Variants in HOMER2 observed in about 807,000 individuals in gnomAD.
HOMER2 encodes the protein homer scaffold protein 2.
A neutral mutation model predicts 47.0 loss-of-function variants in HOMER2; 27 were observed. The ratio of observed to expected loss-of-function variants is 0.57; its 90% CI spans 0.42 to 0.79. The LOEUF (loss-of-function observed/expected upper bound fraction) is 0.79, where lower values mean the gene tolerates loss of function less well. HOMER2 is among the 30% of genes least tolerant of loss of function. HOMER2 has a pLI of 0.00. For synonymous variants in HOMER2, 161 were observed against 163.8 expected, an observed-to-expected ratio of 0.98 and a Z score of 0.13; for missense variants, 443 against 435.0, an observed-to-expected ratio of 1.02 and a Z score of -0.16.
chr15:82,925,896 C>G (rs779364364), intron 1 of HOMER2: 3 of 152,092 alleles, frequency 2.0e-5, no homozygotes, highest in Non-Finnish European at 4.4e-5. Context: ...GATACTCCCC[C>G]TCATTTCTCA....
intron 1 of HOMER2, among the ~76,000 whole-genome samples, chr15:82,933,015 C>T (rs749452917): frequency 1.2e-4 from 18 of 152,094 alleles, no homozygotes; most frequent in Admixed American, 5.2e-4. Flanking sequence ...TCTCTCCTCC[C>T]CGTGCCCTCA....
chr15:82,898,844 TA>T (rs1386257913), intron 1 of HOMER2, among the ~76,000 whole-genome samples: 4 of 152,394 alleles, frequency 2.6e-5, no homozygotes, highest in Middle Eastern at 3.4e-3. Context: ...TTTTCTGACA[TA>T]AACCTACAAA....
intron 1 of HOMER2, among the ~76,000 whole-genome samples, chr15:82,910,170 G>A (rs1389974804): frequency 2.3e-5 from 3 of 132,046 alleles, no homozygotes; most frequent in East Asian, 2.5e-4. Context: ...AGGCTAACTT[G>A]TTTCCCTACC....
chr15:82,929,611 G>A (rs1225976010), intron 1 of HOMER2, among the ~76,000 whole-genome samples: 11 of 141,324 alleles, frequency 7.8e-5, no homozygotes, highest in South Asian at 4.5e-4. Context: ...AGCCGAGATC[G>A]CGTCACTGCA....
chr15:82,948,814 C>CGCCT (rs2054438518), intron 1 of HOMER2, among the ~76,000 whole-genome samples: 2 of 152,226 alleles, frequency 1.3e-5, no homozygotes, highest in African/African-American at 4.8e-5. Context: ...CTGCGCCCAG[C>CGCCT]GCCTGGTCAG....
At chr15:82,934,508 C>T (rs929883286) in intron 1 of HOMER2, among the ~76,000 whole-genome samples, 1 of 151,968 alleles carries the variant, frequency 6.6e-6, no homozygotes, top group Admixed American at 6.5e-5. Context: ...CCTCCCAGTT[C>T]CCCGCACATG....
intron 1 of HOMER2, among the ~76,000 whole-genome samples, chr15:82,936,160 C>T (rs915026308): frequency 2.0e-5 from 3 of 152,168 alleles, no homozygotes; most frequent in Admixed American, 6.5e-5. Context: ...AGTCTTTGCA[C>T]CTGCTCTTTC....
chr15:82,957,214 T>C (rs1235992070), upstream of HOMER2, among the ~76,000 whole-genome samples: 1 of 151,764 alleles, frequency 6.6e-6, no homozygotes, highest in Non-Finnish European at 1.5e-5. Flanking sequence ...GAGGCAGAGG[T>C]TGCAGTGAGC....
chr15:82,851,210 G>C lies in HOMER2; in HGVS notation c.784C>G (p.Gln262Glu). 2 of 1,564,866 alleles carry C rather than the reference G, an allele frequency of 1.3e-6. No individual in the cohort carries two copies. Among genetic ancestry groups the C allele is most frequent in the Non-Finnish European group, 1.7e-6 (2 of 1,153,002 alleles). Residue 262 changes from glutamine to glutamate, a missense_variant, in exon 8 of 9, where the codon CAA becomes GAA. Gln to Glu is a conservative substitution (Grantham distance 29). Transcript: ENST00000450735. ...KETELKDLRK[Q>E]SEIIPQLMSE... ...ATGAGCTGAGGTATGATTTCACTTT[G>C]TTTTCGGAGATCTTTCAGCTCCTAC...
At chr15:82,963,885 CT>C (rs1442729944) in intron 1 of HOMER2, among the ~76,000 whole-genome samples, 2 of 152,188 alleles carry the variant, frequency 1.3e-5, no homozygotes, top group African/African-American at 4.8e-5. Context: ...GGGCCTCTTA[CT>C]TCCACCTCTG....
chr15:82,862,058 G>A (rs921326628), intron 4 of HOMER2, among the ~76,000 whole-genome samples: 2 of 145,180 alleles, frequency 1.4e-5, no homozygotes, highest in African/African-American at 5.3e-5. Context: ...AACAAAAATA[G>A]TCTTTCTCTC....
intron 8 of HOMER2, among the ~76,000 whole-genome samples, chr15:82,850,513 A>G (rs1460526805): frequency 6.6e-6 from 1 of 152,256 alleles, no homozygotes; most frequent in Non-Finnish European, 1.5e-5. Flanking sequence ...GCAGGTTCCC[A>G]AAGACAGGAC....
downstream of HOMER2, chr15:82,836,041 C>A (rs1742365725): frequency 6.6e-6 from 1 of 152,228 alleles, no homozygotes; most frequent in Admixed American, 6.5e-5. Flanking sequence ...GGCTGCCAAA[C>A]ACAAGAGGCC....
In HOMER2 at chr15:82,968,291, A is replaced by C. The variant is rs569785426; in HGVS notation, n.83-8983T>G. On this transcript the variant is annotated intron_variant and non_coding_transcript_variant, in intron 1 of 1. Coordinates refer to the HOMER2 transcript ENST00000500334. ...CAGAATATTTTATCGCCCCACAAGG[A>C]AACCTCAAACCCAGTTAGTCAGTCA... is the stretch of plus-strand genomic sequence containing the variant. Among the ~76,000 whole-genome samples, 5 of 152,336 alleles carry C rather than the reference A, an allele frequency of 3.3e-5. No homozygotes were observed. In the South Asian group the frequency reaches 1.0e-3, roughly 32 times the overall value.
At chr15:82,899,068 G>A (rs1004186042) in intron 1 of HOMER2, among the ~76,000 whole-genome samples, 1 of 152,184 alleles carries the variant, frequency 6.6e-6, no homozygotes, top group Non-Finnish European at 1.5e-5. Flanking sequence ...CAGCTGCAAA[G>A]GCTTCCCTGG....
chr15:82,857,922 A>G lies in HOMER2; in HGVS notation c.494+1107T>C, dbSNP rs1455378695. Among the ~76,000 whole-genome samples, 5 of 152,182 alleles carry G rather than the reference A, an allele frequency of 3.3e-5. No homozygotes were observed. The South Asian group carries it at 6.2e-4, about 19-fold the overall frequency. The stretch of plus-strand genomic sequence containing the variant: ...ATTCTCAAGATACAAAATCATAAGC[A>G]CCGCTCATGCAGTAAATTAAAATCT... On this transcript the variant is annotated intron_variant, in intron 5 of 8. Transcript: ENST00000450735.
chr15:82,929,732 T>G (rs565127675), intron 1 of HOMER2, among the ~76,000 whole-genome samples: 2 of 151,344 alleles, frequency 1.3e-5, no homozygotes, highest in Non-Finnish European at 2.9e-5. Context: ...TAACACAGTT[T>G]TGTTGTTTTT....
At chr15:82,908,294 T>C (rs1440107849) in intron 1 of HOMER2, among the ~76,000 whole-genome samples, 1 of 152,244 alleles carries the variant, frequency 6.6e-6, no homozygotes, top group Non-Finnish European at 1.5e-5. Flanking sequence ...ATGTGAATTA[T>C]ATCTCAATAA....
At chr15:82,967,877 AG>A (rs1162594603) in intron 1 of HOMER2, among the ~76,000 whole-genome samples, 1 of 151,154 alleles carries the variant, frequency 6.6e-6, no homozygotes, top group East Asian at 2.0e-4. Context: ...ACTCTGTCTC[AG>A]GAAAAAAAAA....
Sources: allele counts gnomAD v4.1 joint callset (sites outside exome capture counted in the v4.1 genomes callset), GRCh38; gene constraint gnomAD v4.1.1; transcripts MANE v1.5; gene names NCBI Gene and HGNC (gene_info 2026-07-23, HGNC 2026-07-21).